Variants in NOTCH2 observed in about 807,000 individuals in gnomAD.
NOTCH2 encodes notch receptor 2, also known as neurogenic locus notch homolog protein 2.
Under a neutral mutation model 235.8 loss-of-function variants are expected in NOTCH2, and 29 were observed. The ratio of observed to expected loss-of-function variants is 0.12; its 90% CI spans 0.09 to 0.17. The LOEUF is 0.17. Ranked by LOEUF, NOTCH2 falls within the 10% of genes least tolerant of loss-of-function variation. The probability of loss-of-function intolerance (pLI) is 1.00; values close to 1 mark genes in which losing one functional copy is unlikely to be tolerated. For synonymous variants in NOTCH2, 1,086 were observed against 1,141.5 expected (o/e 0.95, Z 0.98); for missense variants, 2,285 against 3,150.2 (o/e 0.73, Z 6.57).
intron 22 of NOTCH2, among the ~76,000 whole-genome samples, chr1:119,933,407 C>T (rs587728717): frequency 6.6e-6 from 1 of 152,238 alleles, no homozygotes; most frequent in Admixed American, 6.5e-5. Context: ...GTTCCACATA[C>T]CTAAACAAGC....
chr1:119,953,004 T>C (rs781876293), intron 14 of NOTCH2, among the ~76,000 whole-genome samples: 1 of 152,204 alleles, frequency 6.6e-6, no homozygotes, highest in South Asian at 2.1e-4. Context: ...GAGTCTTAAC[T>C]GCTCATCTTA....
chr1:119,969,299 A>G (rs979909841), intron 6 of NOTCH2, among the ~76,000 whole-genome samples: 3 of 152,250 alleles, frequency 2.0e-5, no homozygotes, highest in Non-Finnish European at 2.9e-5. Flanking sequence ...AAACTAAAGT[A>G]TGTAGAGTTG....
chr1:120,024,047 C>T (rs1653745556), intron 2 of NOTCH2, among the ~76,000 whole-genome samples: 1 of 151,440 alleles, frequency 6.6e-6, no homozygotes. Flanking sequence ...GCCAAGAAAA[C>T]AGCATTCTTT....
intron 3 of NOTCH2, among the ~76,000 whole-genome samples, chr1:120,002,861 G>A (rs1466443806): frequency 2.7e-5 from 4 of 149,006 alleles, no homozygotes; most frequent in Non-Finnish European, 5.9e-5. Flanking sequence ...ATGAAGAATA[G>A]TTGTACTACA....
intron 3 of NOTCH2, among the ~76,000 whole-genome samples, chr1:120,001,416 G>A (rs1490315936): frequency 2.6e-5 from 4 of 151,980 alleles, no homozygotes; most frequent in African/African-American, 7.2e-5. Context: ...GCTTTGCCCT[G>A]CCCAGGCAGA....
At chr1:120,000,000 G>T (rs61787005) in intron 3 of NOTCH2, among the ~76,000 whole-genome samples, 1 of 139,244 alleles carries the variant, frequency 7.2e-6, no homozygotes, top group African/African-American at 3.0e-5. Flanking sequence ...AGGAAGGAAG[G>T]AAGGAAGGAA....
At chr1:119,932,965 A>G (rs1460402081) in intron 22 of NOTCH2, among the ~76,000 whole-genome samples, 1 of 152,222 alleles carries the variant, frequency 6.6e-6, no homozygotes, top group African/African-American at 2.4e-5. Context: ...GTGTGAATAC[A>G]CTTTTGGTCT....
chr1:119,932,596 C>A (rs587706226), intron 22 of NOTCH2, among the ~76,000 whole-genome samples: 1 of 143,078 alleles, frequency 7.0e-6, no homozygotes, highest in African/African-American at 2.7e-5. Flanking sequence ...TCAAAACAAA[C>A]AAACAAACAA....
intron 5 of NOTCH2, among the ~76,000 whole-genome samples, chr1:119,985,789 A>G (rs1553202160): frequency 6.6e-6 from 1 of 152,194 alleles, no homozygotes; most frequent in African/African-American, 2.4e-5. Context: ...GAAAAATGGC[A>G]AAAACTAGAA....
At chr1:120,000,599 C>T (rs1652711766) in intron 3 of NOTCH2, among the ~76,000 whole-genome samples, 2 of 137,940 alleles carry the variant, frequency 1.4e-5, no homozygotes, top group Admixed American at 7.1e-5. Context: ...TCCTTCTTAA[C>T]AACAAAGGAA....
In NOTCH2 at chr1:119,923,461, G is replaced by A. The variant is rs587646496; in HGVS notation, c.4859+176C>T. On this transcript the variant is annotated intron_variant, in intron 26 of 33. Transcript: ENST00000256646. Reference sequence around the variant, plus strand: ...CCCCTGCCCACTTTTCAGCCAAGACGAAGGCATATCTTTACATTTAAACGT... The same window carrying A: ...CCCCTGCCCACTTTTCAGCCAAGACAAAGGCATATCTTTACATTTAAACGT... 6.6e-5 allele frequency among the ~76,000 whole-genome samples: 10 copies of A among 152,308 alleles called. No individual in the cohort carries two copies. The South Asian group carries it at 1.7e-3, about 25-fold the overall frequency.
At position 119,914,878 on chromosome 1, in the gene NOTCH2, CG is replaced by C. The variant is rs1361828263; in HGVS notation, c.*427del. 8.6e-6 allele frequency: 3 copies of C among 350,278 alleles called. No homozygotes were observed. Among genetic ancestry groups the C allele is most frequent in the Admixed American group, 8.9e-5 (2 of 22,382 alleles). The allele number at this position is 350,278 out of a possible 1,614,324, so 21.7% of individuals were successfully genotyped here. Reference sequence around the variant, plus strand: ...AAGAATGTCCAAGGAGGAGGAGATGCGTAGGTCAATTCAGGCAGAATTCCAG... The same window carrying C: ...AAGAATGTCCAAGGAGGAGGAGATGCTAGGTCAATTCAGGCAGAATTCCAG... On this transcript the variant is annotated 3_prime_UTR_variant, in exon 34 of 34. Transcript: ENST00000256646.
Position 119,915,431 on chromosome 1 carries a change from G to T in NOTCH2, c.7291C>A (p.His2431Asn). Residue 2431 changes from histidine (H) to asparagine (N), a missense_variant, in exon 34 of 34, where the codon CAC becomes AAC. Around this residue, in one of 6 missense-constraint regions of NOTCH2, gnomAD observed 504 missense variants for 538.0 expected, o/e 0.94. Coordinates refer to ENST00000256646, the MANE Select transcript of NOTCH2 (RefSeq NM_024408.4). ...ACATCTGACCAGTCAGAAGCAGAGT[G>T]GGGTGATGAACTTGACCACTGGTCA... is the stretch of plus-strand genomic sequence containing the variant. ...SPDQWSSSSPHSASDWSDVTT... is the reference protein window; with the variant it reads ...SPDQWSSSSPNSASDWSDVTT... 1 of 1,614,206 alleles carries T rather than the reference G, an allele frequency of 6.2e-7. No individual in the cohort carries two copies. Among genetic ancestry groups the T allele is most frequent in the Non-Finnish European group, 8.5e-7 (1 of 1,180,034 alleles).
At chr1:119,958,401 A>G (rs189591869) in intron 12 of NOTCH2, among the ~76,000 whole-genome samples, 1 of 152,382 alleles carries the variant, frequency 6.6e-6, no homozygotes, top group Non-Finnish European at 1.5e-5. Context: ...TTCTTGGCAA[A>G]TGAATGGTGG....
intron 15 of NOTCH2, chr1:119,950,420 G>A (rs587608341): frequency 3.2e-4 from 171 of 532,542 alleles, no homozygotes; most frequent in African/African-American, 2.8e-3. Flanking sequence ...TAATGTCCTG[G>A]AAACATTCAA....
intron 15 of NOTCH2, chr1:119,950,040 T>C (rs1449971857): frequency 5.7e-6 from 1 of 175,926 alleles, no homozygotes; most frequent in Non-Finnish European, 1.2e-5. Context: ...ACATAACAAC[T>C]GAAACAAAGA....
At chr1:120,041,865 AAAAGAAAAAAAAG>A (rs1317014260) in intron 1 of NOTCH2, among the ~76,000 whole-genome samples, 4 of 134,660 alleles carry the variant, frequency 3.0e-5, no homozygotes, top group Non-Finnish European at 4.7e-5. Context: ...GAAAGAAAAG[AAAAGAAAAAAAAG>A]AAAGAAAAAA....
chr1:120,043,837 T>C (rs1654685558), intron 1 of NOTCH2, among the ~76,000 whole-genome samples: 1 of 147,130 alleles, frequency 6.8e-6, no homozygotes, highest in African/African-American at 2.6e-5. Flanking sequence ...GGATTCAACA[T>C]ACTACACTAT....
At chr1:120,066,226 T>C (rs587641499) in intron 1 of NOTCH2, among the ~76,000 whole-genome samples, 1 of 152,144 alleles carries the variant, frequency 6.6e-6, no homozygotes, top group Non-Finnish European at 1.5e-5. Flanking sequence ...AAGGTTACAT[T>C]TGTTATGGAA....
Sources: allele counts gnomAD v4.1 joint callset (sites outside exome capture counted in the v4.1 genomes callset), GRCh38; gene constraint gnomAD v4.1.1; regional missense constraint gnomAD v4.1.1; transcripts MANE v1.5; gene names NCBI Gene and HGNC (gene_info 2026-07-23, HGNC 2026-07-21).